The following FLT3 variants were observed in gnomAD, a reference collection of about 807,000 sequenced individuals.
The protein encoded by FLT3 is receptor-type tyrosine-protein kinase FLT3.
A neutral mutation model predicts 126.6 loss-of-function variants in FLT3; 46 were observed. The ratio of observed to expected loss-of-function variants is 0.36; its 90% confidence interval spans 0.29 to 0.46. The LOEUF is 0.46. Ranked by LOEUF, FLT3 falls within the 20% of genes least tolerant of loss-of-function variation. FLT3 has a pLI of 1.00. For synonymous variants in FLT3, 404 were observed against 434.4 expected, an observed-to-expected ratio of 0.93 and a Z score of 0.87; for missense variants, 1,069 against 1,190.3, an observed-to-expected ratio of 0.90 and a Z score of 1.50.
chr13:28,036,078 C>T (rs375498253), intron 10 of FLT3, 35 bp from the exon 11 acceptor site: 51 of 1,555,042 alleles, frequency 3.3e-5, no homozygotes, highest in Non-Finnish European at 4.3e-5. Context: ...AGCTCACTGG[C>T]TGGGCATAGT....
chr13:28,057,094 A>C (rs1876079462), intron 4 of FLT3, among the ~76,000 whole-genome samples: 1 of 152,204 alleles, frequency 6.6e-6, no homozygotes, highest in South Asian at 2.1e-4. Context: ...TCTGCTACTG[A>C]ACAGAGGACG....
In FLT3 at chr13:28,004,055, C is replaced by T. The variant is rs142922228; in HGVS notation, c.2979G>A (p.Ser993=). ...TCCTTAAAACTAAATTGTTCCTCTA[C>T]GAATCTTCGACCTGAGCCTGCGGAG... The part of the protein sequence containing the change: ...LLSPQAQVED[S] The change falls in exon 24 of 24, where the codon TCG becomes TCA. Residue 993 remains serine (S), a synonymous_variant. Coordinates refer to ENST00000241453, the MANE Select transcript of FLT3 (RefSeq NM_004119.3). 1,111 of 1,614,086 alleles carry T rather than the reference C, an allele frequency of 6.9e-4. 6 individuals carry two copies. In the African/African-American group the frequency reaches 0.013, roughly 18 times the overall value.
intron 1 of FLT3, among the ~76,000 whole-genome samples, chr13:28,088,974 T>C (rs2387355): frequency 0.88 from 133,969 of 152,194 alleles, 61,478 homozygotes; most frequent in Non-Finnish European, 1. Context: ...ATCCATAATA[T>C]GCAAAGAACC....
intron 2 of FLT3, among the ~76,000 whole-genome samples, chr13:28,066,492 AG>A (rs1420993836): frequency 6.6e-6 from 1 of 152,206 alleles, no homozygotes; most frequent in Non-Finnish European, 1.5e-5. Context: ...AAATTAAGGA[AG>A]GGCTTGGAAA....
intron 9 of FLT3, among the ~76,000 whole-genome samples, chr13:28,040,116 C>T (rs955498725): frequency 1.3e-5 from 2 of 152,140 alleles, no homozygotes; most frequent in African/African-American, 4.8e-5. Context: ...AATGTTAGAA[C>T]CTGTTTGTGA....
chr13:28,007,308 G>A (rs765975887), intron 23 of FLT3, among the ~76,000 whole-genome samples: 4 of 152,094 alleles, frequency 2.6e-5, no homozygotes, highest in East Asian at 1.9e-4. Flanking sequence ...GTACAGTGGT[G>A]CAATCACAGC....
rs577109491 is a variant in FLT3, at chr13:28,041,705, T to A, written c.1206-4417A>T. Among the ~76,000 whole-genome samples, 283 of 152,270 alleles carry A rather than the reference T, an allele frequency of 1.9e-3. 2 individuals carry two copies. Among genetic ancestry groups the A allele is most frequent in the African/African-American group, 6.5e-3 (270 of 41,568 alleles). On this transcript the variant is annotated intron_variant, in intron 9 of 23. Coordinates refer to ENST00000241453, the MANE Select transcript of FLT3 (RefSeq NM_004119.3). ...CCATGGGAATTCCAAGGGGACTAAC[T>A]AATTAGGCTGATTGGGAGATGCAAA...
At chr13:28,044,055 C>T (rs1313511922) in intron 9 of FLT3, among the ~76,000 whole-genome samples, 3 of 151,264 alleles carry the variant, frequency 2.0e-5, no homozygotes, top group African/African-American at 7.3e-5. Flanking sequence ...AGGAGAATCA[C>T]TTAATCACCT....
chr13:28,032,779 A>C (rs1275651551), intron 15 of FLT3, among the ~76,000 whole-genome samples: 3 of 152,246 alleles, frequency 2.0e-5, no homozygotes, highest in African/African-American at 7.2e-5. Context: ...ACAAAACCCA[A>C]AGAAAGAAAG....
intron 1 of FLT3, among the ~76,000 whole-genome samples, chr13:28,098,540 C>T (rs1879620332): frequency 1.3e-5 from 2 of 152,010 alleles, no homozygotes; most frequent in Admixed American, 1.3e-4. Flanking sequence ...TTGGTGTAAC[C>T]ACTGTGGAAA....
chr13:28,080,915 C>T (rs9507995), intron 1 of FLT3, among the ~76,000 whole-genome samples: 25,911 of 152,082 alleles, frequency 0.17, 2,404 homozygotes, highest in Middle Eastern at 0.27. Context: ...TACCTTTACA[C>T]CTTTATCAAA....
At chr13:28,068,420 C>T (rs1204416273) in intron 2 of FLT3, 6 of 152,110 alleles carry the variant, frequency 3.9e-5, no homozygotes, top group Non-Finnish European at 8.8e-5. Context: ...CCTGTAATCC[C>T]AGCACTTTGG....
At chr13:28,078,900 G>T (rs1373894845) in intron 1 of FLT3, among the ~76,000 whole-genome samples, 1 of 152,046 alleles carries the variant, frequency 6.6e-6, no homozygotes, top group East Asian at 1.9e-4. Flanking sequence ...TTTTAGTAGA[G>T]ACAGGGTTTT....
intron 1 of FLT3, among the ~76,000 whole-genome samples, chr13:28,081,841 A>ATTTTT (rs1878335771): frequency 1.4e-5 from 1 of 71,450 alleles, no homozygotes; most frequent in African/African-American, 6.5e-5. Flanking sequence ...TTTTACTTTG[A>ATTTTT]TTCTTTTTTT....
intron 23 of FLT3, among the ~76,000 whole-genome samples, chr13:28,007,539 A>G (rs1031965415): frequency 1.3e-5 from 2 of 152,094 alleles, no homozygotes; most frequent in African/African-American, 4.8e-5. Context: ...GAGCCACCAC[A>G]CCCGACTTCT....
intron 20 of FLT3, among the ~76,000 whole-genome samples, chr13:28,016,120 G>A (rs187053999): frequency 5.8e-4 from 88 of 152,168 alleles, no homozygotes; most frequent in Admixed American, 3.1e-3. Flanking sequence ...GGGAGCCCAC[G>A]TCATCACTTC....
intron 1 of FLT3, among the ~76,000 whole-genome samples, chr13:28,070,991 C>CTTTTTTTT (rs11408684): frequency 9.9e-5 from 9 of 90,900 alleles, no homozygotes; most frequent in East Asian, 3.9e-4. Context: ...AGATTTCTAC[C>CTTTTTTTT]TTTTTTTTTT....
rs751604744 is a variant in FLT3 at position 28,004,172 on chromosome 13, C to T, written c.2862G>A (p.Met954Ile). 1.2e-6 allele frequency: 2 copies of T among 1,613,814 alleles called. No homozygotes were observed. Among genetic ancestry groups the T allele is most frequent in the Admixed American group, 3.3e-5 (2 of 60,006 alleles). Residue 954 changes from methionine to isoleucine, a missense_variant and splice_region_variant, in exon 24 of 24, where the codon ATG (methionine) becomes ATA (isoleucine). Coordinates refer to ENST00000241453, the MANE Select transcript of FLT3 (RefSeq NM_004119.3). Reference protein sequence around the residue: ...GCQLADAEEAMYQNVDGRVSE... With the variant: ...GCQLADAEEAIYQNVDGRVSE... ...AAACACGGCCATCCACATTCTGATA[C>T]ATCTGAATGTGGGAAAGAGACAGAA...
At position 28,036,031 on chromosome 13, in the gene FLT3, A is replaced by G; in HGVS notation, c.1322T>C (p.Val441Ala). The G allele has an allele frequency of 6.2e-7, 1 of 1,614,062 alleles. No homozygotes were observed. Among genetic ancestry groups the G allele is most frequent in the Non-Finnish European group, 8.5e-7 (1 of 1,179,948 alleles). ...CTGACTTGCCGATGCTTCTGCGAGC[A>G]CTTGAGGTTTCCCTATAGAAAAGAA... ...FTLNIRRKPQ[V>A]LAEASASQAS... The change falls in exon 11 of 24, where the codon GTG becomes GCG. Residue 441 changes from valine (V) to alanine (A), a missense_variant. Coordinates refer to ENST00000241453, the MANE Select transcript of FLT3 (RefSeq NM_004119.3).
Sources: allele counts gnomAD v4.1 joint callset (sites outside exome capture counted in the v4.1 genomes callset), GRCh38; gene constraint gnomAD v4.1.1; transcripts MANE v1.5; gene names NCBI Gene and HGNC (gene_info 2026-07-23, HGNC 2026-07-21).